MRPL49: variants seen among roughly 807,000 people sequenced by gnomAD.
MRPL49 encodes mitochondrial ribosomal protein L49.
A neutral mutation model predicts 18.4 loss-of-function variants in MRPL49; 14 were observed. That is an observed-to-expected ratio of 0.76 (90% CI 0.50 to 1.19). The LOEUF is 1.19. MRPL49 is among the 50% of genes most tolerant of loss of function. MRPL49 has a pLI of 0.00. For missense variants in MRPL49, 190 were observed against 217.8 expected (o/e 0.87, Z 0.80); for synonymous variants, 104 against 86.2 (o/e 1.21, Z -1.14).
upstream of MRPL49, chr11:65,122,297 G>T (rs752264607): frequency 7.5e-6 from 12 of 1,595,110 alleles, no homozygotes; most frequent in East Asian, 2.3e-5. Context: ...GCGCAGGACG[G>T]GGCGGGACCA....
chr11:65,125,457 GTTGAT>G, intron 2 of MRPL49, 26 bp from the exon 3 acceptor site: 1 of 1,612,332 alleles, frequency 6.2e-7, no homozygotes, highest in Non-Finnish European at 8.5e-7. Flanking sequence ...CGTAGGAAGA[GTTGAT>G]TTAACAGTGT....
At position 65,127,250 on chromosome 11, in the gene MRPL49, G is replaced by C. The variant is rs1590824257; in HGVS notation, c.*1378G>C. On this transcript the variant is annotated 3_prime_UTR_variant, in exon 4 of 4. Transcript: ENST00000279242. ...ACAGCAAGGAGCCCGACACTGATTTGATCGATTCTGTGACACAAACCCCAC... is the reference window on the plus strand; with the variant it reads ...ACAGCAAGGAGCCCGACACTGATTTCATCGATTCTGTGACACAAACCCCAC... 5.9e-6 allele frequency: 3 copies of C among 504,542 alleles called. No homozygotes were observed. Among genetic ancestry groups the C allele is most frequent in the East Asian group, 6.6e-5 (2 of 30,486 alleles). 31.3% of individuals were successfully genotyped at this position (504,542 alleles called of 1,614,324 possible).
At chr11:65,124,784 A>G (rs977874432) in intron 2 of MRPL49, 132 bp downstream of exon 2, 5 of 977,594 alleles carry the variant, frequency 5.1e-6, no homozygotes, top group Non-Finnish European at 7.4e-6. Flanking sequence ...TCTGGGTTAC[A>G]TCTGTCTCAT....
intron 1 of MRPL49, among the ~76,000 whole-genome samples, chr11:65,123,482 C>T (rs1334338613): frequency 6.6e-6 from 1 of 152,254 alleles, no homozygotes; most frequent in Non-Finnish European, 1.5e-5. Context: ...CGCCTGTAAT[C>T]CCAGCACTTT....
chr11:65,127,143 C>A lies in MRPL49; in HGVS notation c.*1271C>A. ...CACATCTTCCTAATCTGTTAATGGT[C>A]AGTGGTGTCCCCAAGGATAGTGCTG... On this transcript the variant is annotated 3_prime_UTR_variant, in exon 4 of 4. Coordinates refer to ENST00000279242, the MANE Select transcript of MRPL49 (RefSeq NM_004927.4). 1.5e-6 allele frequency: 1 copy of A among 662,726 alleles called. No individual in the cohort carries two copies. Among genetic ancestry groups the A allele is most frequent in the South Asian group, 1.6e-5 (1 of 61,142 alleles). 41.1% of individuals were successfully genotyped at this position (662,726 alleles called of 1,614,324 possible). A position where few individuals can be genotyped will look rare whatever the true frequency, so the allele number is the denominator to read the frequency against.
In MRPL49 at chr11:65,124,576, G is replaced by A; in HGVS notation, c.153G>A (p.Leu51=). 1 of 1,614,214 alleles carries A rather than the reference G, an allele frequency of 6.2e-7. No individual in the cohort carries two copies. Residue 51 remains leucine (L), a synonymous_variant, in exon 2 of 4, where the codon CTG becomes CTA. Transcript: ENST00000279242. ...SVDEYQFVER[L]LPATRIPDPP... Reference sequence around the variant, plus strand: ...ATGAATATCAGTTTGTGGAGCGCCTGTTACCGGCTACCAGGATCCCAGATC... The same window carrying A: ...ATGAATATCAGTTTGTGGAGCGCCTATTACCGGCTACCAGGATCCCAGATC...
intron 3 of MRPL49, 47 bp from the exon 4 acceptor site, chr11:65,125,679 T>C (rs2137226400): frequency 6.2e-7 from 1 of 1,611,570 alleles, no homozygotes; most frequent in Non-Finnish European, 8.5e-7. Flanking sequence ...GGAGTCTTTT[T>C]AAGGGAAGGG....
At chr11:65,124,201 G>A (rs900163564) in intron 1 of MRPL49, among the ~76,000 whole-genome samples, 1 of 152,130 alleles carries the variant, frequency 6.6e-6, no homozygotes, top group African/African-American at 2.4e-5. Flanking sequence ...ATATTTTTTT[G>A]TGTAAGGTTG....
chr11:65,127,050 C>T lies in MRPL49; in HGVS notation c.*1178C>T. ...CTAAGACAGCTTTCAGTTCCTGACT[C>T]CCCAACTTGGTCTCTGCCCTGAAGC... is the stretch of plus-strand genomic sequence containing the variant. On this transcript the variant is annotated 3_prime_UTR_variant, in exon 4 of 4. Transcript: ENST00000279242. The T allele has an allele frequency of 1.4e-6, 1 of 702,432 alleles. No homozygotes were observed. The highest frequency in any genetic ancestry group is 2.7e-5 in the East Asian group (1 of 37,264). 43.5% of individuals were successfully genotyped at this position (702,432 alleles called of 1,614,324 possible).
At position 65,125,477 on chromosome 11, in the gene MRPL49, C is replaced by A. The variant is rs774358984; in HGVS notation, c.230-11C>A. 1.2e-6 allele frequency: 2 copies of A among 1,613,210 alleles called. No homozygotes were observed. Among genetic ancestry groups the A allele is most frequent in the Non-Finnish European group, 1.7e-6 (2 of 1,179,722 alleles). Reference sequence around the variant, plus strand: ...GAAGAGTTGATTTAACAGTGTCTTTCCCTGTTGCAGACCCCCCACCCAACC... The same window carrying A: ...GAAGAGTTGATTTAACAGTGTCTTTACCTGTTGCAGACCCCCCACCCAACC... On this transcript the variant is annotated splice_polypyrimidine_tract_variant and intron_variant, in intron 2 of 3. Coordinates refer to ENST00000279242, the MANE Select transcript of MRPL49 (RefSeq NM_004927.4).
At chr11:65,124,840 A>T (rs1291802748) in intron 2 of MRPL49, 188 bp downstream of exon 2, 6 of 591,162 alleles carry the variant, frequency 1.0e-5, no homozygotes, top group African/African-American at 1.9e-5. Context: ...GTTCACTGGT[A>T]CTCATCCATC....
At position 65,126,655 on chromosome 11, in the gene MRPL49, A is replaced by AT. The variant is rs1253954504; in HGVS notation, c.*784dup. ...TTGGTGCAGGTGATGGAGAACACAG[A>AT]TGACTCGGGCATGGGTCTTGGAGAT... On this transcript the variant is annotated 3_prime_UTR_variant, in exon 4 of 4. Transcript: ENST00000279242. The AT allele has an allele frequency of 4.0e-6, 1 of 252,374 alleles. No individual in the cohort carries two copies. The highest frequency in any genetic ancestry group is 2.2e-5 in the African/African-American group (1 of 44,980). The allele number at this position is 252,374 out of a possible 1,614,324, so 15.6% of individuals were successfully genotyped here.
chr11:65,124,795 G>A (rs1948084787), intron 2 of MRPL49, 143 bp downstream of exon 2: 2 of 881,952 alleles, frequency 2.3e-6, no homozygotes, highest in Non-Finnish European at 3.3e-6. Flanking sequence ...TCTGTCTCAT[G>A]CCCAAGGAAG....
In MRPL49 at chr11:65,125,814, G is replaced by A. The variant is rs1380107490; in HGVS notation, c.443G>A (p.Arg148Gln). ...TQVNEVTGTL[R>Q]IKGYFDQELK... ...GTCAATGAGGTGACAGGTACCCTAC[G>A]GATCAAGGGCTACTTTGACCAGGAG... Residue 148 changes from arginine (R) to glutamine (Q), a missense_variant, in exon 4 of 4, where the codon CGG (arginine) becomes CAG (glutamine). Arg to Gln is a conservative substitution (Grantham distance 43). Coordinates refer to ENST00000279242, the MANE Select transcript of MRPL49 (RefSeq NM_004927.4). 11 of 1,612,278 alleles carry A rather than the reference G, an allele frequency of 6.8e-6. No homozygotes were observed. The highest frequency in any genetic ancestry group is 3.3e-5 in the Admixed American group (2 of 59,986).
chr11:65,126,906 T>G lies in MRPL49; in HGVS notation c.*1034T>G. 1.6e-6 allele frequency: 1 copy of G among 624,844 alleles called. No individual in the cohort carries two copies. 38.7% of individuals were successfully genotyped at this position (624,844 alleles called of 1,614,324 possible). On this transcript the variant is annotated 3_prime_UTR_variant, in exon 4 of 4. Transcript: ENST00000279242. ...CTGGGGAGGGGTTTGCAGGCAGGAA[T>G]ATGCTGACCTTTCACCCTGCCATCC...
intron 1 of MRPL49, 77 bp downstream of exon 1, chr11:65,122,501 C>T (rs768255668): frequency 2.1e-5 from 29 of 1,386,496 alleles, no homozygotes; most frequent in Non-Finnish European, 5.0e-6. Context: ...ACCCCGAAAA[C>T]TAAGGCATTC....
chr11:65,122,221 G>A, upstream of MRPL49: 3 of 1,027,378 alleles, frequency 2.9e-6, no homozygotes, highest in Non-Finnish European at 2.9e-6. Context: ...TATTTGTACC[G>A]CCCAAGGCAG....
At position 65,125,500 on chromosome 11, in the gene MRPL49, AC is replaced by A. The variant is rs1948090972; in HGVS notation, c.244del (p.Leu82CysfsTer26). On this transcript the variant is annotated frameshift_variant, in exon 3 of 4. Transcript: ENST00000279242. LOFTEE classifies it high-confidence loss of function. The part of the protein sequence containing the change: ...GWQPPRDPPP[N>X]LPYFVRRSRM... ...TTCCCTGTTGCAGACCCCCCACCCA[AC>A]CTGCCTTACTTTGTACGACGCTCTC... The A allele has an allele frequency of 6.2e-7, 1 of 1,613,392 alleles. No individual in the cohort carries two copies. The highest frequency in any genetic ancestry group is 8.5e-7 in the Non-Finnish European group (1 of 1,179,754).
intron 1 of MRPL49, among the ~76,000 whole-genome samples, chr11:65,123,474 C>T (rs1239943123): frequency 6.6e-6 from 1 of 152,258 alleles, no homozygotes; most frequent in Non-Finnish European, 1.5e-5. Context: ...GTGGCTCACG[C>T]CTGTAATCCC....
Sources: gnomAD v4.1 joint callset for allele counts (sites outside exome capture counted in the v4.1 genomes callset) on GRCh38, gnomAD v4.1.1 for gene constraint, MANE v1.5 for transcripts, NCBI Gene and HGNC (gene_info 2026-07-23, HGNC 2026-07-21) for gene names.